The following RGL3 variants were observed in gnomAD, a reference collection of about 807,000 sequenced individuals.
RGL3 encodes ral guanine nucleotide dissociation stimulator-like 3.
In RGL3, 85 loss-of-function variants were observed where a neutral mutation model predicts 90.6. The ratio of observed to expected loss-of-function variants is 0.94; its 90% CI spans 0.79 to 1.12. RGL3 has a LOEUF of 1.12. Among genes scored for constraint, RGL3 ranks in the 50% most tolerant of loss-of-function variants. The probability of loss-of-function intolerance (pLI) is 0.00; values close to 1 mark genes in which losing one functional copy is unlikely to be tolerated. For synonymous variants in RGL3, 408 were observed against 385.5 expected, an observed-to-expected ratio of 1.06 and a Z score of -0.68; for missense variants, 1,034 against 939.2, an observed-to-expected ratio of 1.10 and a Z score of -1.32.
At chr19:11,416,354 C>A in intron 4 of RGL3, 1 of 618,002 alleles carries the variant, frequency 1.6e-6, no homozygotes, top group South Asian at 2.1e-5. Context: ...ACCCAGCTAC[C>A]TTTTTTTGTT....
rs371618875 is a variant in RGL3 at position 11,394,431 on chromosome 19, G to A, written c.2104C>T (p.Arg702Trp). ...DFMLRRKEGT[R>W]NTLSVSPS ...CTTGGGGAGACAGACAGAGTGTTCC[G>A]GGTCCCCTCTTTCCGCCGCAGCATG... Residue 702 changes from arginine to tryptophan, a missense_variant, in exon 19 of 19, where the codon CGG (arginine) becomes TGG (tryptophan). Arg to Trp is a moderately radical substitution (Grantham distance 101). Transcript: ENST00000380456. The A allele has an allele frequency of 2.0e-5, 32 of 1,613,796 alleles. No homozygotes were observed. Among genetic ancestry groups the A allele is most frequent in the South Asian group, 1.3e-4 (12 of 91,044 alleles).
intron 9 of RGL3, 69 bp from the exon 10 acceptor site, chr19:11,402,775 A>AC: frequency 7.4e-7 from 1 of 1,359,336 alleles, no homozygotes; most frequent in South Asian, 1.2e-5. Flanking sequence ...CGATGCCTGC[A>AC]GACCCATCAT....
At chr19:11,401,521 A>T (rs1044406482) in intron 13 of RGL3, among the ~76,000 whole-genome samples, 6 of 149,954 alleles carry the variant, frequency 4.0e-5, no homozygotes, top group Non-Finnish European at 8.9e-5. Context: ...TCAGCCTCCC[A>T]AGTAGCTGGG....
At position 11,400,277 on chromosome 19, in the gene RGL3, A is replaced by T; in HGVS notation, c.1505T>A (p.Ile502Asn). The change falls in exon 14 of 19, where the codon ATT becomes AAT. Residue 502 changes from isoleucine (I) to asparagine (N), a missense_variant. Ile to Asn is a moderately radical substitution (Grantham distance 149, BLOSUM62 -3). Coordinates refer to ENST00000380456, the MANE Select transcript of RGL3 (RefSeq NM_001035223.4). ...EEQSYRLSRV[I>N]EPPAASCPSS... ...GGGGCAGGAGGCAGCTGGTGGCTCA[A>T]TGACCCGGGAGAGCCGGTAGCTGAG... The T allele has an allele frequency of 6.3e-7, 1 of 1,595,926 alleles. No homozygotes were observed. The highest frequency in any genetic ancestry group is 8.5e-7 in the Non-Finnish European group (1 of 1,170,948).
At chr19:11,413,302 G>A (rs992698602) in intron 5 of RGL3, among the ~76,000 whole-genome samples, 3 of 151,146 alleles carry the variant, frequency 2.0e-5, no homozygotes, top group East Asian at 2.0e-4. Flanking sequence ...TTGGGAGACC[G>A]AGGTGGGTGG....
At chr19:11,397,680 C>A in intron 16 of RGL3, 83 bp from the exon 17 acceptor site, 7 of 1,322,110 alleles carry the variant, frequency 5.3e-6, no homozygotes, top group Non-Finnish European at 7.1e-6. Context: ...CCCCAGCCAC[C>A]ACTGGTGCAT....
rs868163461 is a variant in RGL3, at chr19:11,406,550, G to A, written c.865C>T (p.Pro289Ser). Residue 289 changes from proline (P) to serine (S), a missense_variant, in exon 7 of 19, where the codon CCC (proline) becomes TCC (serine). Physicochemically the swap from Pro to Ser is moderately conservative, Grantham distance 74. Transcript: ENST00000380456. The part of the protein sequence containing the change: ...RDRPGAAGAS[P>S]TVRATVAQFN... ...TGGGCCACGGTGGCGCGCACAGTGG[G>A]GGAGGCGCCTGCAGCCCCCGGCCGG... The A allele has an allele frequency of 1.9e-6, 3 of 1,550,168 alleles. No homozygotes were observed. Among genetic ancestry groups the A allele is most frequent in the South Asian group, 1.2e-5 (1 of 84,154 alleles).
In RGL3 at chr19:11,397,442, C is replaced by T. The variant is rs762036115; in HGVS notation, c.1899+3G>A. 1.2e-6 allele frequency: 2 copies of T among 1,603,024 alleles called. No individual in the cohort carries two copies. The highest frequency in any genetic ancestry group is 2.2e-5 in the South Asian group (2 of 89,514). The stretch of plus-strand genomic sequence containing the variant: ...CCAGCAGACCCCCAGCCCAGCCCCT[C>T]ACCAAGATGCTTCGATACAGGTTCC... On this transcript the variant is annotated splice_donor_region_variant and intron_variant, in intron 17 of 18. Coordinates refer to ENST00000380456, the MANE Select transcript of RGL3 (RefSeq NM_001035223.4).
chr19:11,416,026 G>T lies in RGL3; in HGVS notation c.548C>A (p.Ala183Asp). The change falls in exon 5 of 19, where the codon GCT becomes GAT. Residue 183 changes from alanine to aspartate, a missense_variant. Coordinates refer to ENST00000380456, the MANE Select transcript of RGL3 (RefSeq NM_001035223.4). ...TFLGWAAPGS[A>D]EAQKAEKLLE... ...AAGCTTCTCTGCTTTTTGAGCCTCA[G>T]CACTCCCTGGGGCCGCCCAGCCCAG... 1 of 1,613,918 alleles carries T rather than the reference G, an allele frequency of 6.2e-7. No individual in the cohort carries two copies. Among genetic ancestry groups the T allele is most frequent in the Non-Finnish European group, 8.5e-7 (1 of 1,179,980 alleles).
intron 5 of RGL3, among the ~76,000 whole-genome samples, chr19:11,413,968 G>A (rs1968915420): frequency 2.0e-5 from 3 of 148,306 alleles, no homozygotes; most frequent in Admixed American, 6.8e-5. Flanking sequence ...GGATGGTCTC[G>A]ATCTCCGAAC....
At chr19:11,416,416 C>G in intron 4 of RGL3, 198 bp downstream of exon 4, 1 of 660,810 alleles carries the variant, frequency 1.5e-6, no homozygotes, top group Non-Finnish European at 2.7e-6. Context: ...CCAGGATGGT[C>G]TCTAACTCCT....
At chr19:11,400,149 C>A in intron 14 of RGL3, 41 bp from the exon 15 acceptor site, 2 of 1,579,346 alleles carry the variant, frequency 1.3e-6, no homozygotes, top group Non-Finnish European at 8.6e-7. Flanking sequence ...GCAGGAGCAG[C>A]CCTTGCTGAT....
chr19:11,413,386 T>G (rs1235358837), intron 5 of RGL3, among the ~76,000 whole-genome samples: 1 of 151,456 alleles, frequency 6.6e-6, no homozygotes, highest in Non-Finnish European at 1.5e-5. Context: ...AAATACAAAA[T>G]TAGCTGGGTG....
At position 11,416,647 on chromosome 19, in the gene RGL3, G is replaced by A. The variant is rs140982044; in HGVS notation, c.392C>T (p.Ala131Val). ...CTTGTTGAAGCTCAGATCTTGTACCGCTGTCTTCTTGATCTCTACCCTGGG... is the reference window on the plus strand; with the variant it reads ...CTTGTTGAAGCTCAGATCTTGTACCACTGTCTTCTTGATCTCTACCCTGGG... ...PPPGVEIKKT[A>V]VQDLSFNKNL... Residue 131 changes from alanine to valine, a missense_variant, in exon 4 of 19, where the codon GCG (alanine) becomes GTG (valine). By Grantham distance (64) the Ala-to-Val change is moderately conservative. Transcript: ENST00000380456. 3.3e-4 allele frequency: 533 copies of A among 1,613,880 alleles called. No homozygotes were observed. The highest frequency in any genetic ancestry group is 4.3e-4 in the South Asian group (39 of 91,086).
rs148286403 is a variant in RGL3 at position 11,416,991 on chromosome 19, C to T, written c.216G>A (p.Ala72=). Reference sequence around the variant, plus strand: ...ACTCTCCCACCAGCCGCTCCAGGCGCGCTGCCCTCAGCACCCTCACCTTGC... The same window carrying T: ...ACTCTCCCACCAGCCGCTCCAGGCGTGCTGCCCTCAGCACCCTCACCTTGC... ...RTSKVRVLRA[A]RLERLVGELV... The change falls in exon 3 of 19, where the codon GCG becomes GCA. Residue 72 remains alanine, a synonymous_variant. Coordinates refer to ENST00000380456, the MANE Select transcript of RGL3 (RefSeq NM_001035223.4). 36 of 1,613,760 alleles carry T rather than the reference C, an allele frequency of 2.2e-5. No homozygotes were observed. In the African/African-American group the frequency reaches 3.6e-4, roughly 16 times the overall value.
In RGL3 at chr19:11,400,109, C is replaced by G. The variant is rs1968647111; in HGVS notation, c.1581-1G>C. 1 of 1,607,978 alleles carries G rather than the reference C, an allele frequency of 6.2e-7. No individual in the cohort carries two copies. Among genetic ancestry groups the G allele is most frequent in the Non-Finnish European group, 8.5e-7 (1 of 1,177,452 alleles). ...TGAGCTTTTCTCTCGGGCAAGCTTC[C>G]TAAGGATGGGGACAGGGGATGAGGC... On this transcript the variant is annotated splice_acceptor_variant, in intron 14 of 18. Transcript: ENST00000380456. LOFTEE classifies it high-confidence loss of function.
At chr19:11,415,052 C>A (rs1302358080) in intron 5 of RGL3, among the ~76,000 whole-genome samples, 9 of 151,700 alleles carry the variant, frequency 5.9e-5, no homozygotes, top group Admixed American at 4.6e-4. Context: ...ATGGCTTGAG[C>A]CCAGGAGGTG....
At chr19:11,415,426 C>T (rs79737129) in intron 5 of RGL3, among the ~76,000 whole-genome samples, 1,723 of 151,510 alleles carry the variant, frequency 0.011, 27 homozygotes, top group African/African-American at 0.038. Context: ...CCTGACCCAA[C>T]GGCACCAAGG....
chr19:11,418,288 C>T (rs988947282), intron 2 of RGL3, among the ~76,000 whole-genome samples: 9 of 139,848 alleles, frequency 6.4e-5, no homozygotes, highest in Non-Finnish European at 9.3e-5. Context: ...CCAGGGCTTC[C>T]CTCAGCCCTC....
Sources: allele counts gnomAD v4.1 joint callset (sites outside exome capture counted in the v4.1 genomes callset), GRCh38; gene constraint gnomAD v4.1.1; transcripts MANE v1.5; gene names NCBI Gene and HGNC (gene_info 2026-07-23, HGNC 2026-07-21).